Variants in CNBD2 observed in about 807,000 individuals in gnomAD.
CNBD2 encodes the protein cyclic nucleotide-binding domain-containing protein 2.
In CNBD2, 64 loss-of-function variants were observed where a neutral mutation model predicts 63.7. The ratio of observed to expected loss-of-function variants is 1.00; its 90% CI spans 0.82 to 1.24. The LOEUF (loss-of-function observed/expected upper bound fraction) is 1.24. CNBD2 is among the 50% of genes most tolerant of loss of function. The pLI, the probability that CNBD2 is intolerant of heterozygous loss-of-function variation, is 0.00. For missense variants in CNBD2, 691 were observed against 713.5 expected (o/e 0.97, Z 0.36); for synonymous variants, 229 against 255.4 (o/e 0.90, Z 0.99).
chr20:36,006,154 G>A (rs2147312687), intron 8 of CNBD2, among the ~76,000 whole-genome samples: 1 of 151,296 alleles, frequency 6.6e-6, no homozygotes, highest in South Asian at 2.1e-4. Flanking sequence ...TCAGCCTCTG[G>A]AGTAGCTGGG....
intron 10 of CNBD2, among the ~76,000 whole-genome samples, chr20:36,016,320 G>GA (rs1157355686): frequency 6.6e-6 from 1 of 152,212 alleles, no homozygotes; most frequent in Non-Finnish European, 1.5e-5. Context: ...GGCATTAGGT[G>GA]AAACAGGAAA....
intron 11 of CNBD2, among the ~76,000 whole-genome samples, chr20:36,027,530 C>A (rs553421002): frequency 3.3e-5 from 5 of 152,092 alleles, no homozygotes; most frequent in Non-Finnish European, 7.3e-5. Flanking sequence ...TTAGTTTTAA[C>A]ATTTATGTAT....
intron 6 of CNBD2, among the ~76,000 whole-genome samples, chr20:35,985,743 C>T (rs1601040271): frequency 1.3e-5 from 2 of 152,152 alleles, no homozygotes; most frequent in African/African-American, 4.8e-5. Context: ...CTACCTTGGC[C>T]TCCCAAAGTG....
intron 2 of CNBD2, among the ~76,000 whole-genome samples, chr20:35,961,261 A>C (rs549544943): frequency 6.6e-6 from 1 of 150,688 alleles, no homozygotes; most frequent in African/African-American, 2.4e-5. Flanking sequence ...TTCATTCCCA[A>C]CTCCTTCATT....
At chr20:36,025,439 A>C (rs1206989771) in intron 11 of CNBD2, among the ~76,000 whole-genome samples, 2 of 152,042 alleles carry the variant, frequency 1.3e-5, no homozygotes, top group Non-Finnish European at 2.9e-5. Flanking sequence ...GGCTCAAGGG[A>C]TCCTCCCACC....
chr20:35,995,263 C>T, intron 8 of CNBD2, 111 bp downstream of exon 8: 1 of 656,574 alleles, frequency 1.5e-6, no homozygotes, highest in Non-Finnish European at 2.7e-6. Context: ...CAGCGTATAT[C>T]ATCTGCACCC....
At chr20:36,028,775 A>C (rs1241833438) in intron 11 of CNBD2, among the ~76,000 whole-genome samples, 2 of 147,938 alleles carry the variant, frequency 1.4e-5, no homozygotes, top group Non-Finnish European at 2.9e-5. Context: ...CACTGGGTTC[A>C]AGTGATTCTT....
At chr20:36,003,458 A>T (rs540148180) in intron 8 of CNBD2, among the ~76,000 whole-genome samples, 1 of 152,244 alleles carries the variant, frequency 6.6e-6, no homozygotes, top group South Asian at 2.1e-4. Context: ...TAAATTTGTT[A>T]TGTGGGGTCA....
rs1477452554 is a variant in CNBD2, at chr20:36,023,613, G to T, written c.1281G>T (p.Gln427His). 1 of 1,600,606 alleles carries T rather than the reference G, an allele frequency of 6.2e-7. No homozygotes were observed. Among genetic ancestry groups the T allele is most frequent in the South Asian group, 1.1e-5 (1 of 88,952 alleles). The part of the protein sequence containing the change: ...VEQGEILGLH[Q>H]AFLPEGECDT... Reference sequence around the variant, plus strand: ...TGACTTCTCCCGAGGGTCTTCACCAGGCCTTCCTTCCAGAGGGTGAATGCG... The same window carrying T: ...TGACTTCTCCCGAGGGTCTTCACCATGCCTTCCTTCCAGAGGGTGAATGCG... Residue 427 changes from glutamine to histidine, a missense_variant, in exon 11 of 12, where the codon CAG (glutamine) becomes CAT (histidine). Transcript: ENST00000373973.
intron 7 of CNBD2, among the ~76,000 whole-genome samples, chr20:35,988,873 C>G (rs1481385454): frequency 6.6e-6 from 1 of 152,172 alleles, no homozygotes; most frequent in Non-Finnish European, 1.5e-5. Context: ...TGCTGCCATA[C>G]TGAGGATTTG....
chr20:35,968,043 T>C (rs2056361296), upstream of CNBD2, among the ~76,000 whole-genome samples: 1 of 152,180 alleles, frequency 6.6e-6, no homozygotes, highest in African/African-American at 2.4e-5. Flanking sequence ...CCGGAGTCGA[T>C]ACCCAGTGTA....
At chr20:35,978,623 C>T (rs773664569) in intron 3 of CNBD2, among the ~76,000 whole-genome samples, 5 of 152,140 alleles carry the variant, frequency 3.3e-5, no homozygotes, top group African/African-American at 9.7e-5. Flanking sequence ...GGATTATAGG[C>T]AAGAGCCACC....
chr20:35,990,721 C>T lies in CNBD2; in HGVS notation c.855+3188C>T, dbSNP rs186327310. Among the ~76,000 whole-genome samples, 66 of 151,488 alleles carry T rather than the reference C, an allele frequency of 4.4e-4. 1 individual carries two copies. The highest frequency in any genetic ancestry group is 1.3e-3 in the African/African-American group (54 of 41,290). On this transcript the variant is annotated intron_variant, in intron 7 of 11. Coordinates refer to ENST00000373973, the MANE Select transcript of CNBD2 (RefSeq NM_001365709.1). The stretch of plus-strand genomic sequence containing the variant: ...ATCTCAACACTTTGGGAGGCCGAGG[C>T]GGGTGGATCACTTGAGGCCAGGGGT...
Position 36,023,680 on chromosome 20 carries a change from A to T in CNBD2, c.1348A>T (p.Ile450Leu), listed in dbSNP as rs144157412. ...LILMSLGNELIRIRKEIFYEL... is the reference protein window; with the variant it reads ...LILMSLGNELLRIRKEIFYEL... ...CCTGATGAGCCTGGGAAATGAGTTGATACGGATAAGGAAGGAAATATTTTA... is the reference window on the plus strand; with the variant it reads ...CCTGATGAGCCTGGGAAATGAGTTGTTACGGATAAGGAAGGAAATATTTTA... The change falls in exon 11 of 12, where the codon ATA becomes TTA. Residue 450 changes from isoleucine to leucine, a missense_variant. Transcript: ENST00000373973. 121 of 1,614,030 alleles carry T rather than the reference A, an allele frequency of 7.5e-5. No homozygotes were observed. In the African/African-American group the frequency reaches 1.5e-3, roughly 20 times the overall value.
intron 9 of CNBD2, among the ~76,000 whole-genome samples, chr20:36,009,036 A>G (rs1033159430): frequency 6.6e-6 from 1 of 152,006 alleles, no homozygotes; most frequent in Non-Finnish European, 1.5e-5. Context: ...TAACACTTAC[A>G]GAGTATTTTT....
intron 10 of CNBD2, among the ~76,000 whole-genome samples, chr20:36,016,475 A>C (rs1226403003): frequency 6.6e-6 from 1 of 152,102 alleles, no homozygotes; most frequent in African/African-American, 2.4e-5. Flanking sequence ...TTTTCCTGTA[A>C]ATCTAAAACT....
At chr20:35,963,258 T>C (rs1212757942) in intron 2 of CNBD2, among the ~76,000 whole-genome samples, 1 of 151,486 alleles carries the variant, frequency 6.6e-6, no homozygotes, top group Non-Finnish European at 1.5e-5. Flanking sequence ...GAGGATCACC[T>C]GAGTCTGGGA....
chr20:35,987,000 C>T lies in CNBD2; in HGVS notation c.717-395C>T, dbSNP rs141187119. 3.3e-3 allele frequency among the ~76,000 whole-genome samples: 505 copies of T among 152,298 alleles called. 1 individual carries two copies. Among genetic ancestry groups the T allele is most frequent in the Non-Finnish European group, 5.4e-3 (367 of 68,018 alleles). On this transcript the variant is annotated intron_variant, in intron 6 of 11. Coordinates refer to ENST00000373973, the MANE Select transcript of CNBD2 (RefSeq NM_001365709.1). ...CCCAAAGCAAAGGTAGGGCCAGAAC[C>T]GCTAAGTTGGGGGACAGAGCAGCTG... is the stretch of plus-strand genomic sequence containing the variant.
intron 10 of CNBD2, among the ~76,000 whole-genome samples, chr20:36,014,540 A>C (rs1363001050): frequency 6.6e-6 from 1 of 151,992 alleles, no homozygotes; most frequent in Non-Finnish European, 1.5e-5. Flanking sequence ...CATGTTGGCC[A>C]GGCTGGTCTG....
Sources: gnomAD v4.1 joint callset for allele counts (sites outside exome capture counted in the v4.1 genomes callset) on GRCh38, gnomAD v4.1.1 for gene constraint, MANE v1.5 for transcripts, NCBI Gene and HGNC (gene_info 2026-07-23, HGNC 2026-07-21) for gene names.